Variants in CNTN3 observed in about 807,000 individuals in gnomAD.
The protein encoded by CNTN3 is contactin 3.
A neutral mutation model predicts 119.1 loss-of-function variants in CNTN3; 60 were observed. That is an observed-to-expected ratio of 0.50 (90% CI 0.41 to 0.62). The LOEUF is 0.62. Among genes scored for constraint, CNTN3 ranks in the 20% least tolerant of loss-of-function variants. The pLI is 0.00. For missense variants in CNTN3, 1,101 were observed against 1,242.4 expected (o/e 0.89, Z 1.71); for synonymous variants, 450 against 438.7 (o/e 1.03, Z -0.32).
intron 1 of CNTN3, among the ~76,000 whole-genome samples, chr3:74,584,609 AACCTCTTTTCTTTATGTATT>A (rs1277247718): frequency 3.3e-5 from 5 of 152,114 alleles, no homozygotes; most frequent in Non-Finnish European, 5.9e-5. Flanking sequence ...GAGCCAAATA[AACCTCTTTTCTTTATGTATT>A]ACCCAGACTT....
chr3:74,386,529 G>A (rs373794315), intron 5 of CNTN3, among the ~76,000 whole-genome samples: 64 of 152,276 alleles, frequency 4.2e-4, no homozygotes, highest in African/African-American at 1.5e-3. Context: ...ATGACAAAGT[G>A]AGACCCTGTC....
intron 4 of CNTN3, among the ~76,000 whole-genome samples, chr3:74,446,848 A>C (rs1402861587): frequency 2.0e-5 from 3 of 152,086 alleles, no homozygotes; most frequent in Admixed American, 2.0e-4. Flanking sequence ...ATAGGGTATA[A>C]GTTTTTTTGA....
At chr3:74,365,097 C>T (rs1033529380) in intron 9 of CNTN3, among the ~76,000 whole-genome samples, 1 of 151,942 alleles carries the variant, frequency 6.6e-6, no homozygotes, top group African/African-American at 2.4e-5. Flanking sequence ...TGAAAGAACA[C>T]AATTGACTTA....
At chr3:74,515,884 C>T (rs1025649043) in intron 2 of CNTN3, among the ~76,000 whole-genome samples, 2 of 151,996 alleles carry the variant, frequency 1.3e-5, no homozygotes, top group African/African-American at 4.8e-5. Context: ...TGAAAATCTT[C>T]AGAGATATTT....
intron 4 of CNTN3, among the ~76,000 whole-genome samples, chr3:74,460,772 CATATATATATATAT>C (rs71129755): frequency 0.034 from 3,053 of 89,188 alleles, 88 homozygotes; most frequent in African/African-American, 0.059. Context: ...TTCTTATTTT[CATATATATATATAT>C]ATATATATAT....
chr3:74,453,106 T>G (rs925091158), intron 4 of CNTN3, among the ~76,000 whole-genome samples: 7 of 152,184 alleles, frequency 4.6e-5, no homozygotes, highest in African/African-American at 1.4e-4. Context: ...AGTTCCTCCT[T>G]GTACCTCTGG....
chr3:74,344,459 T>A (rs1185392113), intron 11 of CNTN3, among the ~76,000 whole-genome samples: 1 of 117,512 alleles, frequency 8.5e-6, no homozygotes, highest in Non-Finnish European at 1.6e-5. Flanking sequence ...GGAGTCTCAC[T>A]CTGTCCCCCA....
intron 4 of CNTN3, among the ~76,000 whole-genome samples, chr3:74,463,324 T>C (rs1006948319): frequency 3.3e-5 from 5 of 152,124 alleles, no homozygotes; most frequent in South Asian, 4.1e-4. Flanking sequence ...AAATGGCTGA[T>C]AGATAACTTC....
chr3:74,490,068 T>C (rs1461671220), intron 3 of CNTN3, among the ~76,000 whole-genome samples: 2 of 152,222 alleles, frequency 1.3e-5, no homozygotes, highest in African/African-American at 2.4e-5. Context: ...GAACAGACTA[T>C]GTCTTCCACC....
chr3:74,410,211 G>T (rs1701415265), intron 5 of CNTN3, among the ~76,000 whole-genome samples: 1 of 152,064 alleles, frequency 6.6e-6, no homozygotes, highest in Non-Finnish European at 1.5e-5. Context: ...TCCTCCCATT[G>T]TATGGCTCAG....
At chr3:74,473,460 A>G (rs1032808551) in intron 4 of CNTN3, among the ~76,000 whole-genome samples, 3 of 152,204 alleles carry the variant, frequency 2.0e-5, no homozygotes, top group Non-Finnish European at 4.4e-5. Flanking sequence ...AACATTTAAA[A>G]TGTCAAGACA....
intron 4 of CNTN3, among the ~76,000 whole-genome samples, chr3:74,467,369 G>C (rs1204623728): frequency 6.6e-6 from 1 of 152,020 alleles, no homozygotes; most frequent in Admixed American, 6.6e-5. Flanking sequence ...GTGGGGGATG[G>C]GGGAAGGAAA....
At chr3:74,365,486 A>C in intron 9 of CNTN3, 80 bp downstream of exon 9, 3 of 1,571,698 alleles carry the variant, frequency 1.9e-6, no homozygotes, top group Non-Finnish European at 2.6e-6. Flanking sequence ...GGGACTAAAG[A>C]AAGCATTTGC....
At chr3:74,522,006 C>A (rs1703550208) in intron 1 of CNTN3, among the ~76,000 whole-genome samples, 1 of 151,778 alleles carries the variant, frequency 6.6e-6, no homozygotes, top group South Asian at 2.1e-4. Flanking sequence ...GTACAACTCT[C>A]TGATTCAGCA....
intron 2 of CNTN3, among the ~76,000 whole-genome samples, chr3:74,519,075 T>G: frequency 6.6e-6 from 1 of 151,994 alleles, no homozygotes; most frequent in Non-Finnish European, 1.5e-5. Context: ...AAGTGTATAT[T>G]TATATGGACA....
chr3:74,477,174 C>G (rs1702671815), intron 4 of CNTN3, among the ~76,000 whole-genome samples: 1 of 152,102 alleles, frequency 6.6e-6, no homozygotes, highest in Admixed American at 6.6e-5. Flanking sequence ...AATCCACACA[C>G]CTACTGAGAT....
At chr3:74,500,298 C>T (rs1425846779) in intron 2 of CNTN3, among the ~76,000 whole-genome samples, 1 of 151,922 alleles carries the variant, frequency 6.6e-6, no homozygotes, top group East Asian at 1.9e-4. Flanking sequence ...AGATACAGCA[C>T]TGAACAGGCG....
At chr3:74,604,269 A>G (rs1193065458) in intron 1 of CNTN3, among the ~76,000 whole-genome samples, 1 of 152,162 alleles carries the variant, frequency 6.6e-6, no homozygotes, top group East Asian at 1.9e-4. Context: ...TTTTTTGGAT[A>G]TAACCCCAAA....
intron 22 of CNTN3, 70 bp downstream of exon 22, chr3:74,266,411 C>T: frequency 1.4e-6 from 2 of 1,408,786 alleles, no homozygotes; most frequent in South Asian, 2.5e-5. Flanking sequence ...CAGAGGGATA[C>T]TGATTGACTC....
Sources: allele counts gnomAD v4.1 joint callset (sites outside exome capture counted in the v4.1 genomes callset), GRCh38; gene constraint gnomAD v4.1.1; transcripts MANE v1.5; gene names NCBI Gene and HGNC (gene_info 2026-07-23, HGNC 2026-07-21).